SH3BGR: variants seen among roughly 807,000 people sequenced by gnomAD.
SH3BGR encodes the protein SH3 domain binding glutamate rich protein.
SH3BGR carries 29 observed loss-of-function variants against 24.5 expected under a neutral mutation model. The observed-to-expected ratio is 1.18, with a 90% CI of 0.88 to 1.61. The LOEUF (loss-of-function observed/expected upper bound fraction) is 1.61, where lower values mean the gene tolerates loss of function less well. Ranked by LOEUF, SH3BGR falls within the 40% of genes most tolerant of loss-of-function variation. The pLI is 0.00. For synonymous variants in SH3BGR, 55 were observed against 65.7 expected (o/e 0.84, Z 0.79); for missense variants, 162 against 205.8 (o/e 0.79, Z 1.30).
intron 1 of SH3BGR, among the ~76,000 whole-genome samples, chr21:39,455,418 C>T (rs188132997): frequency 6.6e-6 from 1 of 152,138 alleles, no homozygotes; most frequent in Admixed American, 6.5e-5. Flanking sequence ...GGAGAAGGGG[C>T]AAAGGGGGAG....
Position 39,497,640 on chromosome 21 carries a change from C to T in SH3BGR, c.313-2183C>T, listed in dbSNP as rs1484716427. Among the ~76,000 whole-genome samples, 3 of 150,420 alleles carry T rather than the reference C, an allele frequency of 2.0e-5. No individual in the cohort carries two copies. The East Asian group carries it at 5.8e-4, about 29-fold the overall frequency. On this transcript the variant is annotated intron_variant, in intron 3 of 6. Coordinates refer to ENST00000333634, the MANE Select transcript of SH3BGR (RefSeq NM_007341.3). ...AGCAATGCATTCACTGCAATGTCTA[C>T]AAAAAAGAAAAAAATCAAATAAAAT...
intron 6 of SH3BGR, among the ~76,000 whole-genome samples, chr21:39,512,484 A>C (rs2078712972): frequency 6.6e-6 from 1 of 152,190 alleles, no homozygotes; most frequent in African/African-American, 2.4e-5. Context: ...TGTAATTCTT[A>C]CTAGTTTGAT....
Position 39,499,821 on chromosome 21 carries a change from A to G in SH3BGR, c.313-2A>G. 6.2e-7 allele frequency: 1 copy of G among 1,611,224 alleles called. No homozygotes were observed. The highest frequency in any genetic ancestry group is 8.5e-7 in the Non-Finnish European group (1 of 1,178,112). On this transcript the variant is annotated splice_acceptor_variant, in intron 3 of 6. Coordinates refer to ENST00000333634, the MANE Select transcript of SH3BGR (RefSeq NM_007341.3). LOFTEE classifies it high-confidence loss of function. Reference sequence around the variant, plus strand: ...CATATCCTGGGTTTCCTTTATGACCAGGGATCAGAGAAGGCTGAAGAAGGT... The same window carrying G: ...CATATCCTGGGTTTCCTTTATGACCGGGGATCAGAGAAGGCTGAAGAAGGT...
At chr21:39,456,923 A>G (rs1448368411) in intron 1 of SH3BGR, among the ~76,000 whole-genome samples, 4 of 136,794 alleles carry the variant, frequency 2.9e-5, no homozygotes, top group Non-Finnish European at 6.4e-5. Context: ...TGTCTTTTTT[A>G]TATTGATGGT....
At chr21:39,466,910 T>G (rs1026346761) in intron 2 of SH3BGR, among the ~76,000 whole-genome samples, 5 of 152,156 alleles carry the variant, frequency 3.3e-5, no homozygotes, top group African/African-American at 9.6e-5. Context: ...ATTTTTTTTT[T>G]GCAATGCAGA....
intron 1 of SH3BGR, among the ~76,000 whole-genome samples, chr21:39,458,446 C>T (rs1355878823): frequency 1.3e-5 from 2 of 152,032 alleles, no homozygotes; most frequent in Non-Finnish European, 2.9e-5. Flanking sequence ...TCAAGCGATT[C>T]TCCTGCCTCA....
At chr21:39,451,197 A>G (rs1255392407), upstream of SH3BGR, among the ~76,000 whole-genome samples, 2 of 152,226 alleles carry the variant, frequency 1.3e-5, no homozygotes, top group East Asian at 3.8e-4. Context: ...ATAAATAAAC[A>G]CAAAATACCT....
intron 3 of SH3BGR, among the ~76,000 whole-genome samples, chr21:39,491,297 G>T (rs28728311): frequency 0.56 from 84,632 of 151,382 alleles, 24,037 homozygotes; most frequent in East Asian, 0.68. Context: ...CTACAGGCGG[G>T]TGCCACCACA....
chr21:39,475,945 G>A (rs888637218), intron 3 of SH3BGR, among the ~76,000 whole-genome samples: 3 of 152,198 alleles, frequency 2.0e-5, no homozygotes, highest in Non-Finnish European at 2.9e-5. Flanking sequence ...AAGTTTGAAT[G>A]AGACAGCTGA....
upstream of SH3BGR, among the ~76,000 whole-genome samples, chr21:39,448,979 T>G (rs1341181117): frequency 6.6e-6 from 1 of 151,504 alleles, no homozygotes; most frequent in Non-Finnish European, 1.5e-5. Flanking sequence ...GATAAACAGC[T>G]GCAGACCTCC....
intron 1 of SH3BGR, among the ~76,000 whole-genome samples, chr21:39,457,246 T>TATATG (rs1330500470): frequency 1.4e-5 from 2 of 142,088 alleles, no homozygotes; most frequent in African/African-American, 5.1e-5. Context: ...ATAAAAATCT[T>TATATG]ATTATATTAT....
chr21:39,472,482 A>C (rs891594000), intron 2 of SH3BGR, among the ~76,000 whole-genome samples: 4 of 152,230 alleles, frequency 2.6e-5, no homozygotes, highest in Admixed American at 1.3e-4. Context: ...GAGACATTCA[A>C]ATCACAGCAG....
chr21:39,488,097 C>T (rs889300492), intron 3 of SH3BGR, among the ~76,000 whole-genome samples: 4 of 152,160 alleles, frequency 2.6e-5, no homozygotes, highest in African/African-American at 9.7e-5. Context: ...AATCCTCATT[C>T]CACTGGATCT....
Position 39,469,315 on chromosome 21 carries a change from T to G in SH3BGR, c.232-5820T>G, listed in dbSNP as rs1009561395. ...TGTTTCTGTTGTGTCTTCTCTGATTTTTTTTTTTAAGTTTATGTTGTTCAT... is the reference window on the plus strand; with the variant it reads ...TGTTTCTGTTGTGTCTTCTCTGATTGTTTTTTTTAAGTTTATGTTGTTCAT... On this transcript the variant is annotated intron_variant, in intron 2 of 6. Transcript: ENST00000333634. Among the ~76,000 whole-genome samples the G allele has an allele frequency of 5.6e-4, 85 of 152,014 alleles. 1 individual carries two copies. The highest frequency in any genetic ancestry group is 1.9e-3 in the African/African-American group (80 of 41,552).
intron 2 of SH3BGR, among the ~76,000 whole-genome samples, chr21:39,473,022 G>A (rs2077967515): frequency 1.3e-5 from 2 of 151,850 alleles, no homozygotes; most frequent in African/African-American, 4.8e-5. Flanking sequence ...TTCTTAATTG[G>A]GTTAAAAATT....
intron 4 of SH3BGR, among the ~76,000 whole-genome samples, chr21:39,504,349 T>G (rs1411735483): frequency 6.6e-6 from 1 of 152,222 alleles, no homozygotes; most frequent in Admixed American, 6.5e-5. Context: ...TGTCCTCTCA[T>G]CTCTAGCCGC....
chr21:39,488,276 C>T (rs543706186), intron 3 of SH3BGR: 9 of 170,622 alleles, frequency 5.3e-5, no homozygotes, highest in East Asian at 1.5e-4. Flanking sequence ...TCATTCTTCA[C>T]GGAAGGTGAT....
chr21:39,485,977 C>T (rs956202496), intron 3 of SH3BGR, among the ~76,000 whole-genome samples: 5 of 152,122 alleles, frequency 3.3e-5, no homozygotes, highest in African/African-American at 4.8e-5. Context: ...CGTGAGCCAC[C>T]ACGCCCGGCC....
At chr21:39,510,909 C>CTATATATATATATATATATATA (rs61692072) in intron 5 of SH3BGR, among the ~76,000 whole-genome samples, 2 of 65,880 alleles carry the variant, frequency 3.0e-5, no homozygotes, top group Non-Finnish European at 5.4e-5. Context: ...ATTCTTCTAA[C>CTATATATATATATATATATATA]TATATATATA....
Sources: gnomAD v4.1 joint callset for allele counts (sites outside exome capture counted in the v4.1 genomes callset) on GRCh38, gnomAD v4.1.1 for gene constraint, MANE v1.5 for transcripts, NCBI Gene and HGNC (gene_info 2026-07-23, HGNC 2026-07-21) for gene names.